The following KIFC3 variants were observed in gnomAD, a reference collection of about 807,000 sequenced individuals.
KIFC3 encodes kinesin-like protein KIFC3.
KIFC3 carries 60 observed loss-of-function variants against 101.8 expected under a neutral mutation model. The observed-to-expected ratio is 0.59, with a 90% CI of 0.48 to 0.73. KIFC3 has a LOEUF of 0.73. KIFC3 is among the 30% of genes least tolerant of loss of function. KIFC3 has a pLI of 0.00. For missense variants in KIFC3, 966 were observed against 1,137.1 expected (o/e 0.85, Z 2.16); for synonymous variants, 476 against 482.7 (o/e 0.99, Z 0.18).
At chr16:57,840,949 T>C (rs1055536635) in intron 1 of KIFC3, among the ~76,000 whole-genome samples, 2 of 152,066 alleles carry the variant, frequency 1.3e-5, no homozygotes, top group Non-Finnish European at 2.9e-5. Context: ...CACTCCGGCT[T>C]TCTGGCGATC....
At chr16:57,775,299 T>G in intron 3 of KIFC3, 1 of 1,221,166 alleles carries the variant, frequency 8.2e-7, no homozygotes. Context: ...AGGTCATCTC[T>G]GGCTTCTTGA....
At position 57,789,487 on chromosome 16, in the gene KIFC3, A is replaced by G. The variant is rs572081972; in HGVS notation, c.315+5512T>C. 3.3e-5 allele frequency among the ~76,000 whole-genome samples: 5 copies of G among 152,374 alleles called. No individual in the cohort carries two copies. The South Asian group carries it at 8.3e-4, about 25-fold the overall frequency. On this transcript the variant is annotated intron_variant, in intron 3 of 19. Coordinates refer to ENST00000445690, the MANE Select transcript of KIFC3 (RefSeq NM_001130100.2). Reference sequence around the variant, plus strand: ...CATTTGAGGATCATGAAAATAAAACAGGCATAGAGACAAATCTAGAGAACT... The same window carrying G: ...CATTTGAGGATCATGAAAATAAAACGGGCATAGAGACAAATCTAGAGAACT...
At chr16:57,827,960 G>T (rs1481298425) in intron 1 of KIFC3, among the ~76,000 whole-genome samples, 1 of 152,204 alleles carries the variant, frequency 6.6e-6, no homozygotes, top group Non-Finnish European at 1.5e-5. Context: ...ACCCCTTGAG[G>T]GAAGTTCTAT....
chr16:57,760,224 A>G lies in KIFC3; in HGVS notation c.2367+58T>C. On this transcript the variant is annotated intron_variant, in intron 17 of 19. Transcript: ENST00000445690. ...CCCCGCCCAGCTCCCTGCTCCTGCC[A>G]TGACCCAAAGTCTCTGACCCAGGGC... is the stretch of plus-strand genomic sequence containing the variant. 3.8e-6 allele frequency: 6 copies of G among 1,565,640 alleles called. No homozygotes were observed. In the East Asian group the frequency reaches 6.8e-5, roughly 18 times the overall value.
chr16:57,765,780 C>T, intron 10 of KIFC3, 140 bp from the exon 11 acceptor site: 1 of 692,280 alleles, frequency 1.4e-6, no homozygotes, highest in East Asian at 2.8e-5. Context: ...GAAGGGGGCC[C>T]ACAAAGCTGT....
intron 3 of KIFC3, chr16:57,775,327 G>A (rs569414936): frequency 1.2e-5 from 14 of 1,177,596 alleles, no homozygotes; most frequent in Non-Finnish European, 1.4e-5. Context: ...AAAGCAGGGG[G>A]AATGTGACTG....
intron 1 of KIFC3, among the ~76,000 whole-genome samples, chr16:57,836,507 A>G (rs1555480369): frequency 1.3e-5 from 2 of 152,098 alleles, no homozygotes; most frequent in African/African-American, 4.8e-5. Context: ...GCAGAAGTTG[A>G]GCAGCCCAGG....
At chr16:57,856,879 A>C (rs917874062) in intron 1 of KIFC3, among the ~76,000 whole-genome samples, 1 of 152,232 alleles carries the variant, frequency 6.6e-6, no homozygotes, top group Non-Finnish European at 1.5e-5. Flanking sequence ...CCGTTAGAAG[A>C]AATTGAATTC....
intron 1 of KIFC3, among the ~76,000 whole-genome samples, chr16:57,856,845 T>C (rs144523452): frequency 2.6e-5 from 4 of 152,142 alleles, no homozygotes; most frequent in East Asian, 3.9e-4. Context: ...CAAGAAGAAA[T>C]AGACAGACTA....
intron 10 of KIFC3, among the ~76,000 whole-genome samples, chr16:57,766,562 G>A (rs927432007): frequency 1.3e-5 from 2 of 152,136 alleles, no homozygotes; most frequent in African/African-American, 2.4e-5. Flanking sequence ...CAGAATAAGC[G>A]GCTTTCCAGC....
intron 3 of KIFC3, among the ~76,000 whole-genome samples, chr16:57,786,148 G>A (rs1254468657): frequency 2.6e-5 from 4 of 152,274 alleles, no homozygotes; most frequent in South Asian, 2.1e-4. Context: ...AGAAAGAGGG[G>A]AGCCAGGGGA....
intron 1 of KIFC3, among the ~76,000 whole-genome samples, chr16:57,811,031 G>A (rs567505651): frequency 6.6e-6 from 1 of 152,344 alleles, no homozygotes; most frequent in South Asian, 2.1e-4. Flanking sequence ...CAGCCACAAG[G>A]AAGTGAGTGG....
At chr16:57,765,353 C>T (rs2050366321) in intron 11 of KIFC3, 106 bp downstream of exon 11, 1 of 1,146,084 alleles carries the variant, frequency 8.7e-7, no homozygotes, top group African/African-American at 1.6e-5. Context: ...CTGATTCCTG[C>T]ACCCCCCACT....
In KIFC3 at chr16:57,759,611, A is replaced by G. The variant is rs547236154; in HGVS notation, c.2476+117T>C. On this transcript the variant is annotated intron_variant, in intron 18 of 19. Transcript: ENST00000445690. The stretch of plus-strand genomic sequence containing the variant: ...GGGGAGGTTGTAAAACAGGTTCTGG[A>G]GAAGGTGTAAGAACTTTTTAAAAAG... 359 of 730,754 alleles carry G rather than the reference A, an allele frequency of 4.9e-4. 1 individual carries two copies. Among genetic ancestry groups the G allele is most frequent in the Admixed American group, 1.1e-3 (36 of 33,704 alleles). 45.3% of individuals were successfully genotyped at this position (730,754 alleles called of 1,614,324 possible).
chr16:57,759,511 C>A (rs1211874195), intron 18 of KIFC3: 1 of 581,210 alleles, frequency 1.7e-6, no homozygotes, highest in Admixed American at 3.2e-5. Context: ...TACACTGCCC[C>A]CTTCCCACAG....
Position 57,856,394 on chromosome 16 carries a change from T to A in KIFC3, c.108+6335A>T, listed in dbSNP as rs375708592. Among the ~76,000 whole-genome samples the A allele has an allele frequency of 3.6e-4, 53 of 147,454 alleles. No individual in the cohort carries two copies. The South Asian group carries it at 9.9e-3, about 28-fold the overall frequency. Reference sequence around the variant, plus strand: ...TATTCAGGAGGGTGAGGTGTGATGATCGCTTGAGCTGGGAGGTGGAAGTTG... The same window carrying A: ...TATTCAGGAGGGTGAGGTGTGATGAACGCTTGAGCTGGGAGGTGGAAGTTG... On this transcript the variant is annotated intron_variant, in intron 1 of 2. Transcript: ENST00000563028.
rs2049395916 is a variant in KIFC3, at chr16:57,758,463, G to T, written c.*471C>A. Reference sequence around the variant, plus strand: ...ACCCTCCTTGAAGGAGAGGGGCGGGGAGGGCTGCCATTGGTGCCACCAACC... The same window carrying T: ...ACCCTCCTTGAAGGAGAGGGGCGGGTAGGGCTGCCATTGGTGCCACCAACC... On this transcript the variant is annotated 3_prime_UTR_variant, in exon 20 of 20. Transcript: ENST00000445690. 2 of 394,690 alleles carry T rather than the reference G, an allele frequency of 5.1e-6. No individual in the cohort carries two copies. Among genetic ancestry groups the T allele is most frequent in the African/African-American group, 2.1e-5 (1 of 48,364 alleles). 24.4% of individuals were successfully genotyped at this position (394,690 alleles called of 1,614,324 possible).
chr16:57,786,701 C>T (rs1212376377), intron 3 of KIFC3, among the ~76,000 whole-genome samples: 2 of 152,170 alleles, frequency 1.3e-5, no homozygotes, highest in African/African-American at 4.8e-5. Context: ...GGAAACCCAG[C>T]CCTCGGCAGG....
rs1189935391 is a variant in KIFC3 at position 57,770,604 on chromosome 16, T to C, written c.862A>G (p.Met288Val). 1 of 1,541,216 alleles carries C rather than the reference T, an allele frequency of 6.5e-7. No homozygotes were observed. The highest frequency in any genetic ancestry group is 8.8e-7 in the Non-Finnish European group (1 of 1,142,594). The change falls in exon 7 of 20, where the codon ATG becomes GTG. Residue 288 changes from methionine (M) to valine (V), a missense_variant. Physicochemically the swap from Met to Val is conservative, Grantham distance 21. Coordinates refer to ENST00000445690, the MANE Select transcript of KIFC3 (RefSeq NM_001130100.2). ...RNQHLQEQVA[M>V]QRQVLKEMEQ... ...ATCTCCTTCAGCACCTGCCTCTGCATAGCCACCTGCTCCTGCAGGTGCTGG... is the reference window on the plus strand; with the variant it reads ...ATCTCCTTCAGCACCTGCCTCTGCACAGCCACCTGCTCCTGCAGGTGCTGG...
Sources: gnomAD v4.1 joint callset for allele counts (sites outside exome capture counted in the v4.1 genomes callset) on GRCh38, gnomAD v4.1.1 for gene constraint, MANE v1.5 for transcripts, NCBI Gene and HGNC (gene_info 2026-07-23, HGNC 2026-07-21) for gene names.